The following MTMR2 variants were observed in gnomAD, a reference collection of about 807,000 sequenced individuals.
The protein encoded by MTMR2 is phosphatidylinositol-3,5-bisphosphate 3-phosphatase MTMR2.
MTMR2 carries 55 observed loss-of-function variants against 86.9 expected under a neutral mutation model. The ratio of observed to expected loss-of-function variants is 0.63; its 90% confidence interval spans 0.51 to 0.79. The LOEUF (loss-of-function observed/expected upper bound fraction) is 0.79, where lower values mean the gene tolerates loss of function less well. Ranked by LOEUF, MTMR2 falls within the 30% of genes least tolerant of loss-of-function variation. The pLI is 0.00. For missense variants in MTMR2, 659 were observed against 772.3 expected, an observed-to-expected ratio of 0.85 and a Z score of 1.74; for synonymous variants, 241 against 266.8, an observed-to-expected ratio of 0.90 and a Z score of 0.94.
At position 95,844,912 on chromosome 11, in the gene MTMR2, G is replaced by T; in HGVS notation, c.1386+41C>A. The T allele has an allele frequency of 3.4e-6, 5 of 1,474,946 alleles. No individual in the cohort carries two copies. In the South Asian group the frequency reaches 3.4e-5, roughly 10 times the overall value. The allele number at this position is 1,474,946 out of a possible 1,614,324, so 91.4% of individuals were successfully genotyped here. A position where few individuals can be genotyped will look rare whatever the true frequency, so the allele number is the denominator to read the frequency against. On this transcript the variant is annotated intron_variant, in intron 11 of 14. Coordinates refer to ENST00000346299, the MANE Select transcript of MTMR2 (RefSeq NM_016156.6). ...ACATTTTTTTCACATGCCTTGGCAT[G>T]AATGCATGTGATATATCCAAAGTCA...
intron 1 of MTMR2, among the ~76,000 whole-genome samples, chr11:95,908,281 A>G (rs1866366414): frequency 6.6e-6 from 1 of 152,180 alleles, no homozygotes; most frequent in South Asian, 2.1e-4. Flanking sequence ...ACAGGTAACC[A>G]GGAAAGTGAA....
chr11:95,897,438 G>A (rs11021340), intron 1 of MTMR2, among the ~76,000 whole-genome samples: 30,058 of 151,894 alleles, frequency 0.2, 5,064 homozygotes, highest in African/African-American at 0.46. Flanking sequence ...GAATTAATCC[G>A]ATATTGTGTT....
chr11:95,836,694 A>C (rs895205223), intron 13 of MTMR2, among the ~76,000 whole-genome samples: 1 of 152,040 alleles, frequency 6.6e-6, no homozygotes, highest in Non-Finnish European at 1.5e-5. Context: ...ACACAATGGA[A>C]TATTATTCAG....
intron 2 of MTMR2, among the ~76,000 whole-genome samples, chr11:95,883,411 G>T (rs990620663): frequency 2.0e-5 from 3 of 152,068 alleles, no homozygotes; most frequent in African/African-American, 7.2e-5. Flanking sequence ...TCTTTAAATT[G>T]CATTACTTGA....
At chr11:95,894,955 A>G (rs1865830027) in intron 1 of MTMR2, among the ~76,000 whole-genome samples, 1 of 152,034 alleles carries the variant, frequency 6.6e-6, no homozygotes, top group Non-Finnish European at 1.5e-5. Flanking sequence ...ACTGACAGAC[A>G]CTCCAATTAT....
chr11:95,916,846 T>C (rs994299317), intron 1 of MTMR2, among the ~76,000 whole-genome samples: 1 of 152,284 alleles, frequency 6.6e-6, no homozygotes, highest in East Asian at 1.9e-4. Context: ...CCAGTGATTA[T>C]GGCCATAGGT....
chr11:95,857,047 G>A (rs1185622146), intron 7 of MTMR2, among the ~76,000 whole-genome samples: 1 of 152,042 alleles, frequency 6.6e-6, no homozygotes, highest in East Asian at 1.9e-4. Flanking sequence ...CCCACTTCAA[G>A]TCATTTAGAT....
At chr11:95,848,083 T>C (rs1368985164) in intron 9 of MTMR2, among the ~76,000 whole-genome samples, 184 bp from the exon 10 acceptor site, 1 of 152,224 alleles carries the variant, frequency 6.6e-6, no homozygotes, top group African/African-American at 2.4e-5. Context: ...GTGTTCTTCT[T>C]TACAAAATGA....
intron 1 of MTMR2, chr11:95,914,390 G>T (rs1266084720): frequency 1.0e-6 from 1 of 983,250 alleles, no homozygotes. Context: ...ATTGTGCAAA[G>T]CCTGCAGGGC....
chr11:95,888,862 A>G (rs1865611475), intron 1 of MTMR2, among the ~76,000 whole-genome samples: 2 of 152,220 alleles, frequency 1.3e-5, no homozygotes, highest in Middle Eastern at 3.2e-3. Flanking sequence ...CTCAAAAGAT[A>G]GGAGATTATC....
intron 8 of MTMR2, 37 bp from the exon 9 acceptor site, chr11:95,849,899 A>G: frequency 2.0e-6 from 3 of 1,532,248 alleles, no homozygotes; most frequent in Non-Finnish European, 2.7e-6. Flanking sequence ...CCTTTTACAT[A>G]CTTCTCTGTT....
chr11:95,919,533 C>G lies in MTMR2; in HGVS notation c.80+4342G>C, dbSNP rs185368492. On this transcript the variant is annotated intron_variant, in intron 1 of 14. Transcript: ENST00000346299. ...TTATATGAAGGATGACAAGAACACA[C>G]ATTAATTAAAACGACTAACAACACA... Among the ~76,000 whole-genome samples the G allele has an allele frequency of 2.6e-4, 40 of 152,262 alleles. No homozygotes were observed. In the East Asian group the frequency reaches 5.6e-3, roughly 21 times the overall value.
chr11:95,912,142 C>T (rs1866534924), intron 1 of MTMR2, among the ~76,000 whole-genome samples: 2 of 148,604 alleles, frequency 1.3e-5, no homozygotes, highest in Non-Finnish European at 3.0e-5. Context: ...AAAGGTAGAG[C>T]ATTCAACATC....
rs777931000 is a variant in MTMR2, at chr11:95,896,902, T to TAAA, written c.81-8644_81-8642dup. ...GTTGTCTTAAAAGAATGACAATCTT[T>TAAA]AAAAAAAAAAAAAAAAAACTAGTGG... is the stretch of plus-strand genomic sequence containing the variant. On this transcript the variant is annotated intron_variant, in intron 1 of 14. Coordinates refer to ENST00000346299, the MANE Select transcript of MTMR2 (RefSeq NM_016156.6). Among the ~76,000 whole-genome samples, 829 of 129,862 alleles carry TAAA rather than the reference T, an allele frequency of 6.4e-3. 10 individuals carry two copies. The highest frequency in any genetic ancestry group is 0.022 in the African/African-American group (771 of 35,288). 85.2% of individuals were successfully genotyped at this position (129,862 alleles called of 152,430 possible).
chr11:95,882,249 A>C (rs565320252), intron 2 of MTMR2: 1 of 151,480 alleles, frequency 6.6e-6, no homozygotes, highest in Non-Finnish European at 1.5e-5. Flanking sequence ...TGTAATCCCA[A>C]CACTCTCGGG....
chr11:95,847,020 G>C (rs1863821231), intron 10 of MTMR2, among the ~76,000 whole-genome samples: 1 of 152,032 alleles, frequency 6.6e-6, no homozygotes, highest in African/African-American at 2.4e-5. Flanking sequence ...TTATATATGT[G>C]GTTACATAAG....
At chr11:95,847,576 T>C (rs1863843900) in intron 10 of MTMR2, 138 bp downstream of exon 10, 1 of 783,928 alleles carries the variant, frequency 1.3e-6, no homozygotes. Context: ...TCACTAGTAG[T>C]TCCAAGTATC....
chr11:95,840,952 G>A (rs1385417171), intron 12 of MTMR2, among the ~76,000 whole-genome samples: 7 of 152,138 alleles, frequency 4.6e-5, no homozygotes, highest in Admixed American at 6.5e-5. Context: ...GATGGTTTGA[G>A]TCAGAATTAA....
At chr11:95,912,295 G>A (rs1044935776) in intron 1 of MTMR2, among the ~76,000 whole-genome samples, 2 of 151,652 alleles carry the variant, frequency 1.3e-5, no homozygotes, top group Non-Finnish European at 2.9e-5. Context: ...TCATAAACTA[G>A]AAAACCACAT....
Sources: allele counts gnomAD v4.1 joint callset (sites outside exome capture counted in the v4.1 genomes callset), GRCh38; gene constraint gnomAD v4.1.1; transcripts MANE v1.5; gene names NCBI Gene and HGNC (gene_info 2026-07-23, HGNC 2026-07-21).